The following ABCA13 variants were observed in gnomAD, a reference collection of about 807,000 sequenced individuals.
ABCA13 encodes ATP-binding cassette sub-family A member 13.
In ABCA13, 476 loss-of-function variants were observed where a neutral mutation model predicts 478.7. The observed-to-expected ratio is 0.99, with a 90% CI of 0.92 to 1.07. The LOEUF is 1.07. Ranked by LOEUF, ABCA13 falls within the 50% of genes least tolerant of loss-of-function variation. The pLI is 0.00. For missense variants in ABCA13, 6,060 were observed against 5,910.6 expected (o/e 1.03, Z -0.83); for synonymous variants, 2,252 against 2,158.9 (o/e 1.04, Z -1.20).
At chr7:48,418,068 T>C (rs1366102714) in intron 41 of ABCA13, among the ~76,000 whole-genome samples, 1 of 152,248 alleles carries the variant, frequency 6.6e-6, no homozygotes, top group Non-Finnish European at 1.5e-5. Context: ...TACCATAGTC[T>C]ATTTATCTAT....
chr7:48,582,929 C>T (rs1788841541), intron 56 of ABCA13, among the ~76,000 whole-genome samples: 1 of 152,146 alleles, frequency 6.6e-6, no homozygotes, highest in Non-Finnish European at 1.5e-5. Flanking sequence ...TAAGTTATAT[C>T]ACTTGGTTAT....
chr7:48,546,365 C>T (rs1221026956), intron 55 of ABCA13, among the ~76,000 whole-genome samples: 5 of 151,550 alleles, frequency 3.3e-5, no homozygotes, highest in Non-Finnish European at 3.0e-5. Context: ...TTCTTGACAG[C>T]AAGAATATAA....
intron 6 of ABCA13, among the ~76,000 whole-genome samples, chr7:48,227,783 G>T (rs1327506349): frequency 3.9e-5 from 6 of 152,170 alleles, no homozygotes; most frequent in Non-Finnish European, 8.8e-5. Context: ...TTTGGCATTG[G>T]ATTTTTGGTT....
At chr7:48,294,207 T>C (rs1343526116) in intron 20 of ABCA13, among the ~76,000 whole-genome samples, 1 of 152,162 alleles carries the variant, frequency 6.6e-6, no homozygotes, top group African/African-American at 2.4e-5. Context: ...AGAGTTATCT[T>C]TGTGTGTCGT....
At chr7:48,211,311 C>T (rs1433231565) in intron 3 of ABCA13, among the ~76,000 whole-genome samples, 5 of 152,212 alleles carry the variant, frequency 3.3e-5, no homozygotes, top group Non-Finnish European at 7.3e-5. Flanking sequence ...CCTGTGGTCA[C>T]TGCAGCTGTT....
In ABCA13 at chr7:48,310,095, T is replaced by C. The variant is rs765381180; in HGVS notation, c.9470T>C (p.Ile3157Thr). ...CCAGGGTCAAAAGTGTATTCTCTGATTGTGTTGCTGAGTCGAAACTTGGAT... is the reference window on the plus strand; with the variant it reads ...CCAGGGTCAAAAGTGTATTCTCTGACTGTGTTGCTGAGTCGAAACTTGGAT... The part of the protein sequence containing the change: ...SLPGSKVYSL[I>T]VLLSRNLDVR... Residue 3157 changes from isoleucine to threonine, a missense_variant, in exon 24 of 62, where the codon ATT (isoleucine) becomes ACT (threonine). Coordinates refer to ENST00000435803, the MANE Select transcript of ABCA13 (RefSeq NM_152701.5). 7.4e-6 allele frequency: 12 copies of C among 1,613,600 alleles called. No homozygotes were observed. The highest frequency in any genetic ancestry group is 1.6e-4 in the Middle Eastern group (1 of 6,074).
intron 59 of ABCA13, among the ~76,000 whole-genome samples, chr7:48,633,753 G>C (rs888831745): frequency 1.3e-5 from 2 of 151,710 alleles, no homozygotes; most frequent in African/African-American, 4.8e-5. Flanking sequence ...GCTAGGTGTG[G>C]TGGCACGCAC....
chr7:48,409,059 T>C (rs76113214), intron 39 of ABCA13, among the ~76,000 whole-genome samples: 3 of 152,182 alleles, frequency 2.0e-5, no homozygotes, highest in Non-Finnish European at 4.4e-5. Context: ...TGTGTAATGA[T>C]CAAATCAGGG....
intron 40 of ABCA13, among the ~76,000 whole-genome samples, chr7:48,411,940 TTTC>T (rs1819313465): frequency 6.6e-6 from 1 of 152,222 alleles, no homozygotes; most frequent in African/African-American, 2.4e-5. Flanking sequence ...AGGTGGCTCC[TTTC>T]TTCTTTGGCT....
At chr7:48,626,905 A>G in intron 59 of ABCA13, 1 of 985,416 alleles carries the variant, frequency 1.0e-6, no homozygotes, top group African/African-American at 1.7e-5. Context: ...TCTCTTTGCT[A>G]TGGCAAGAAG....
chr7:48,613,271 C>T (rs1792209660), intron 58 of ABCA13, among the ~76,000 whole-genome samples: 1 of 151,976 alleles, frequency 6.6e-6, no homozygotes, highest in Non-Finnish European at 1.5e-5. Context: ...TCACTGCAAC[C>T]TCCGCCTCCC....
At chr7:48,191,410 T>C (rs1797089593) in intron 1 of ABCA13, among the ~76,000 whole-genome samples, 1 of 152,238 alleles carries the variant, frequency 6.6e-6, no homozygotes, top group Non-Finnish European at 1.5e-5. Context: ...TTATTTTTAA[T>C]TTTTTAATTT....
At chr7:48,621,305 GT>G (rs1420704956) in intron 59 of ABCA13, among the ~76,000 whole-genome samples, 1 of 152,190 alleles carries the variant, frequency 6.6e-6, no homozygotes, top group Non-Finnish European at 1.5e-5. Flanking sequence ...TTCGTAGAGT[GT>G]TTAATATCCA....
chr7:48,426,630 C>T (rs1049426233), intron 41 of ABCA13, among the ~76,000 whole-genome samples: 2 of 152,070 alleles, frequency 1.3e-5, no homozygotes, highest in African/African-American at 4.8e-5. Context: ...TGGAGAGGGG[C>T]CAGGGCCAGG....
At chr7:48,587,901 C>G (rs913339540) in intron 57 of ABCA13, among the ~76,000 whole-genome samples, 1 of 152,194 alleles carries the variant, frequency 6.6e-6, no homozygotes, top group African/African-American at 2.4e-5. Context: ...ACAGCTATAA[C>G]TGTTAATACA....
chr7:48,585,352 G>A (rs1789082345), intron 56 of ABCA13, among the ~76,000 whole-genome samples: 1 of 152,062 alleles, frequency 6.6e-6, no homozygotes, highest in Non-Finnish European at 1.5e-5. Context: ...ACCAACTACT[G>A]GCCTTGAGAA....
chr7:48,246,166 T>A, intron 13 of ABCA13, 136 bp downstream of exon 13: 1 of 935,520 alleles, frequency 1.1e-6, no homozygotes, highest in Non-Finnish European at 1.5e-6. Context: ...AAGCTGGCTC[T>A]CTGAACTCCA....
intron 31 of ABCA13, among the ~76,000 whole-genome samples, chr7:48,367,398 G>A (rs954703519): frequency 2.6e-5 from 4 of 152,202 alleles, no homozygotes; most frequent in Non-Finnish European, 4.4e-5. Context: ...CAATTTTCAC[G>A]TATTTTGTAG....
At chr7:48,440,343 A>G (rs1427729079) in intron 42 of ABCA13, among the ~76,000 whole-genome samples, 2 of 152,232 alleles carry the variant, frequency 1.3e-5, no homozygotes, top group Non-Finnish European at 1.5e-5. Flanking sequence ...AACTTTATAT[A>G]AAAGGAATCA....
Sources: gnomAD v4.1 joint callset for allele counts (sites outside exome capture counted in the v4.1 genomes callset) on GRCh38, gnomAD v4.1.1 for gene constraint, MANE v1.5 for transcripts, NCBI Gene and HGNC (gene_info 2026-07-23, HGNC 2026-07-21) for gene names.